Variants in TRDN observed in about 807,000 individuals in gnomAD.
TRDN encodes the protein triadin, also known as triadin in skeletal muscle.
TRDN carries 161 observed loss-of-function variants against 149.7 expected under a neutral mutation model. The observed-to-expected ratio is 1.08, with a 90% CI of 0.95 to 1.23. The LOEUF is 1.23. Among genes scored for constraint, TRDN ranks in the 50% most tolerant of loss-of-function variants. TRDN has a pLI of 0.00. For synonymous variants in TRDN, 294 were observed against 250.5 expected (o/e 1.17, Z -1.64); for missense variants, 896 against 823.5 (o/e 1.09, Z -1.08).
chr6:123,271,225 G>A (rs1249209835), intron 29 of TRDN, 39 bp from the exon 30 acceptor site: 1 of 1,357,860 alleles, frequency 7.4e-7, no homozygotes, highest in African/African-American at 1.5e-5. Flanking sequence ...TAGGAAATTT[G>A]AATACATCAG....
chr6:123,366,096 CTTATAG>C, intron 20 of TRDN, 33 bp downstream of exon 20: 10 of 1,550,500 alleles, frequency 6.4e-6, no homozygotes. Context: ...GCAGAAATAA[CTTATAG>C]TTATGACATC....
intron 12 of TRDN, among the ~76,000 whole-genome samples, chr6:123,407,197 C>G (rs1184716259): frequency 1.3e-5 from 2 of 152,144 alleles, no homozygotes; most frequent in Non-Finnish European, 2.9e-5. Flanking sequence ...TGAAGAGAAG[C>G]AAGTCTACAG....
At chr6:123,514,326 G>A (rs1031312827) in intron 6 of TRDN, among the ~76,000 whole-genome samples, 4 of 152,102 alleles carry the variant, frequency 2.6e-5, no homozygotes, top group African/African-American at 9.7e-5. Context: ...CTGCACTTCA[G>A]TCTGGGTGGC....
At chr6:123,220,764 C>G (rs1234080254) in intron 40 of TRDN, among the ~76,000 whole-genome samples, 5 of 151,764 alleles carry the variant, frequency 3.3e-5, no homozygotes, top group Non-Finnish European at 7.4e-5. Context: ...GACGTCATTT[C>G]TTCAGACAAA....
chr6:123,316,923 C>A (rs560681843), intron 23 of TRDN, among the ~76,000 whole-genome samples: 39 of 151,782 alleles, frequency 2.6e-4, no homozygotes, highest in African/African-American at 8.9e-4. Flanking sequence ...TCATGGGGCT[C>A]CACCTAGTGG....
At chr6:123,569,137 A>G (rs4895849) in intron 2 of TRDN, among the ~76,000 whole-genome samples, 121,460 of 152,102 alleles carry the variant, frequency 0.8, 48,772 homozygotes, top group East Asian at 0.92. Context: ...GATACACTAC[A>G]TCATTACTCT....
At chr6:123,556,727 A>C (rs1336995956) in intron 2 of TRDN, among the ~76,000 whole-genome samples, 1 of 151,892 alleles carries the variant, frequency 6.6e-6, no homozygotes, top group Non-Finnish European at 1.5e-5. Flanking sequence ...ACTTCTGGAT[A>C]ATACCAATAT....
intron 7 of TRDN, among the ~76,000 whole-genome samples, chr6:123,505,187 T>C (rs952550038): frequency 3.0e-5 from 4 of 131,444 alleles, no homozygotes; most frequent in Non-Finnish European, 4.6e-5. Context: ...GAGGTTGCAG[T>C]GAGCCGAGAT....
chr6:123,550,641 A>C (rs758352767), intron 2 of TRDN, among the ~76,000 whole-genome samples: 4 of 152,086 alleles, frequency 2.6e-5, no homozygotes, highest in Non-Finnish European at 5.9e-5. Flanking sequence ...AGAATATCCC[A>C]TGGTTTATAC....
intron 1 of TRDN, among the ~76,000 whole-genome samples, chr6:123,593,511 G>A (rs573185444): frequency 2.1e-4 from 32 of 152,278 alleles, no homozygotes; most frequent in East Asian, 9.7e-4. Flanking sequence ...TGGAGGAAGC[G>A]GAAGTCTGAA....
chr6:123,472,147 T>C (rs993883696), intron 9 of TRDN, among the ~76,000 whole-genome samples: 6 of 152,138 alleles, frequency 3.9e-5, no homozygotes, highest in Non-Finnish European at 8.8e-5. Context: ...GACGGGTGAT[T>C]TCTGCATTTC....
chr6:123,520,564 A>G (rs1779623070), intron 5 of TRDN, among the ~76,000 whole-genome samples: 1 of 152,192 alleles, frequency 6.6e-6, no homozygotes, highest in African/African-American at 2.4e-5. Flanking sequence ...TCTTTTTCAT[A>G]ATAAAAGTAC....
intron 21 of TRDN, chr6:123,351,051 T>TG: frequency 1.1e-6 from 1 of 892,042 alleles, no homozygotes; most frequent in East Asian, 2.3e-4. Flanking sequence ...GGGTGTTTTA[T>TG]ATCTAGTCAA....
intron 5 of TRDN, among the ~76,000 whole-genome samples, chr6:123,524,573 C>T (rs549980367): frequency 2.0e-5 from 3 of 152,200 alleles, no homozygotes; most frequent in Admixed American, 6.5e-5. Flanking sequence ...CATACACAAA[C>T]TGTGTCCTAT....
chr6:123,449,971 C>T (rs1301445095), intron 10 of TRDN, among the ~76,000 whole-genome samples: 1 of 152,108 alleles, frequency 6.6e-6, no homozygotes, highest in Non-Finnish European at 1.5e-5. Flanking sequence ...TGAAACTAAG[C>T]ATCATATATG....
chr6:123,570,809 G>T (rs1782534084), intron 2 of TRDN, 114 bp downstream of exon 2: 2 of 846,170 alleles, frequency 2.4e-6, no homozygotes, highest in East Asian at 2.6e-5. Flanking sequence ...ACATTTGTGG[G>T]GTGTTTCTTC....
chr6:123,505,723 G>A (rs910682704), intron 7 of TRDN, among the ~76,000 whole-genome samples: 2 of 147,080 alleles, frequency 1.4e-5, no homozygotes, highest in Admixed American at 6.8e-5. Context: ...TTTTTGAGAT[G>A]AAGTCTTGCT....
At chr6:123,348,257 C>T (rs948425210) in intron 21 of TRDN, among the ~76,000 whole-genome samples, 4 of 151,998 alleles carry the variant, frequency 2.6e-5, no homozygotes, top group Non-Finnish European at 5.9e-5. Context: ...ATAATAGTCA[C>T]TAAGATGCAG....
chr6:123,592,005 A>G (rs1783810733), intron 1 of TRDN, among the ~76,000 whole-genome samples: 1 of 152,166 alleles, frequency 6.6e-6, no homozygotes, highest in Non-Finnish European at 1.5e-5. Context: ...GAAAAAGAAG[A>G]GTTAAAAAGA....
Sources: gnomAD v4.1 joint callset for allele counts (sites outside exome capture counted in the v4.1 genomes callset) on GRCh38, gnomAD v4.1.1 for gene constraint, MANE v1.5 for transcripts, NCBI Gene and HGNC (gene_info 2026-07-23, HGNC 2026-07-21) for gene names.